GNAL: variants seen among roughly 807,000 people sequenced by gnomAD.
The protein encoded by GNAL is G protein subunit alpha L, also known as guanine nucleotide-binding protein G(olf) subunit alpha.
In GNAL, 18 loss-of-function variants were observed where a neutral mutation model predicts 55.1. The ratio of observed to expected loss-of-function variants is 0.33; its 90% CI spans 0.23 to 0.48. GNAL has a LOEUF of 0.48. GNAL is among the 20% of genes least tolerant of loss of function. The pLI is 0.99. For missense variants in GNAL, 412 were observed against 614.1 expected (o/e 0.67, Z 3.48); for synonymous variants, 253 against 237.0 (o/e 1.07, Z -0.62).
chr18:11,738,880 G>C (rs772760281), intron 1 of GNAL, among the ~76,000 whole-genome samples: 1 of 152,172 alleles, frequency 6.6e-6, no homozygotes. Flanking sequence ...AGGTTGCCAG[G>C]CAGGACGGCA....
chr18:11,725,104 T>C (rs957039826), intron 1 of GNAL, among the ~76,000 whole-genome samples: 2 of 152,188 alleles, frequency 1.3e-5, no homozygotes, highest in Non-Finnish European at 2.9e-5. Context: ...ATCACTAAAT[T>C]AATGAGCCGG....
chr18:11,824,860 C>G, intron 4 of GNAL, 58 bp from the exon 5 acceptor site: 4 of 927,300 alleles, frequency 4.3e-6, no homozygotes, highest in Non-Finnish European at 6.8e-6. Flanking sequence ...TTCCTTTTAA[C>G]TTTTTAAAAG....
At chr18:11,738,934 A>C (rs1427302322) in intron 1 of GNAL, among the ~76,000 whole-genome samples, 1 of 152,156 alleles carries the variant, frequency 6.6e-6, no homozygotes, top group Non-Finnish European at 1.5e-5. Flanking sequence ...AGTGCTGCGG[A>C]GGAGCCCACT....
In GNAL at chr18:11,751,026, G is replaced by C. The variant is rs74741043; in HGVS notation, c.377-1827G>C. ...GGCTGGGGTCTGTTCTCCTGAAGAA[G>C]GCCAGCTCCGCAGTGAAGAAGACCG... is the stretch of plus-strand genomic sequence containing the variant. On this transcript the variant is annotated intron_variant, in intron 1 of 11. Transcript: ENST00000334049. The surrounding 1 kb of genome is among the most constrained non-coding windows in gnomAD (Gnocchi z 4.5). Among the ~76,000 whole-genome samples the C allele has an allele frequency of 0.031, 4,648 of 152,226 alleles. 88 individuals are homozygous for C. Among genetic ancestry groups the C allele is most frequent in the African/African-American group, 0.046 (1,926 of 41,534 alleles).
Position 11,752,337 on chromosome 18 carries a change from A to G in GNAL, c.377-516A>G. 6.7e-7 allele frequency: 1 copy of G among 1,488,706 alleles called. No individual in the cohort carries two copies. The highest frequency in any genetic ancestry group is 8.9e-7 in the Non-Finnish European group (1 of 1,123,878). 92.2% of individuals were successfully genotyped at this position (1,488,706 alleles called of 1,614,324 possible). On this transcript the variant is annotated intron_variant, in intron 1 of 11. Transcript: ENST00000334049. The surrounding 1 kb of genome is among the most constrained non-coding windows in gnomAD (Gnocchi z 4.5). ...CAGACCATCTCTTTCAGCAGCAGGAAAGAGAGGAGCCGTCGCAGGAGCCGC... is the reference window on the plus strand; with the variant it reads ...CAGACCATCTCTTTCAGCAGCAGGAGAGAGAGGAGCCGTCGCAGGAGCCGC...
intron 1 of GNAL, among the ~76,000 whole-genome samples, chr18:11,700,957 C>G (rs931441716): frequency 6.6e-6 from 1 of 152,228 alleles, no homozygotes; most frequent in Non-Finnish European, 1.5e-5. Context: ...ATATTACTCA[C>G]CAACTGCAAA....
intron 1 of GNAL, among the ~76,000 whole-genome samples, chr18:11,719,375 A>T (rs1161736579): frequency 6.6e-6 from 1 of 152,160 alleles, no homozygotes; most frequent in Admixed American, 6.5e-5. Context: ...CAGGGTTACC[A>T]GAGAGTCATG....
chr18:11,783,080 C>T (rs1322907394), intron 4 of GNAL, among the ~76,000 whole-genome samples: 5 of 152,214 alleles, frequency 3.3e-5, no homozygotes, highest in African/African-American at 9.6e-5. Context: ...AATTTCACAT[C>T]GCATTCTGGC....
In GNAL at chr18:11,883,472, T is replaced by G. The variant is rs2036770762; in HGVS notation, c.*2337T>G. 1 of 153,516 alleles carries G rather than the reference T, an allele frequency of 6.5e-6. No homozygotes were observed. Among genetic ancestry groups the G allele is most frequent in the Admixed American group, 6.5e-5 (1 of 15,274 alleles). 9.5% of individuals were successfully genotyped at this position (153,516 alleles called of 1,614,324 possible). A position where few individuals can be genotyped will look rare whatever the true frequency, so the allele number is the denominator to read the frequency against. On this transcript the variant is annotated 3_prime_UTR_variant, in exon 12 of 12. Coordinates refer to ENST00000334049, the MANE Select transcript of GNAL (RefSeq NM_182978.4). Reference sequence around the variant, plus strand: ...AAGAAAAAAAACAAAAAGAATAACTTTTATCTGGCTTACAATTATTAAAGC... The same window carrying G: ...AAGAAAAAAAACAAAAAGAATAACTGTTATCTGGCTTACAATTATTAAAGC...
rs1350687278 is a variant in GNAL at position 11,883,188 on chromosome 18, A to G, written c.*2053A>G. ...GGATAACTTTATAGACAGTCAGTGCAACACACACATTTTATCTCATCACCG... is the reference window on the plus strand; with the variant it reads ...GGATAACTTTATAGACAGTCAGTGCGACACACACATTTTATCTCATCACCG... On this transcript the variant is annotated 3_prime_UTR_variant, in exon 12 of 12. Transcript: ENST00000334049. 1 of 151,260 alleles carries G rather than the reference A, an allele frequency of 6.6e-6. No homozygotes were observed. The highest frequency in any genetic ancestry group is 1.5e-5 in the Non-Finnish European group (1 of 68,002). The allele number at this position is 151,260 out of a possible 1,614,324, so 9.4% of individuals were successfully genotyped here. A position where few individuals can be genotyped will look rare whatever the true frequency, so the allele number is the denominator to read the frequency against.
At position 11,753,638 on chromosome 18, in the gene GNAL, CAG is replaced by C. The variant is rs1057519098; in HGVS notation, c.462_463del (p.Lys155AsnfsTer9). On this transcript the variant is annotated frameshift_variant, in exon 3 of 12. Transcript: ENST00000334049. LOFTEE classifies it high-confidence loss of function. ...TCTCTTTCAATACAGGGAAAAGAAA[CAG>C]AAAATTCTGGACATCCGGAAAAATG... ...VNGFNPEEKK[Q>X]KILDIRKNVK... The C allele has an allele frequency of 6.3e-7, 1 of 1,589,814 alleles. No individual in the cohort carries two copies. The highest frequency in any genetic ancestry group is 8.6e-7 in the Non-Finnish European group (1 of 1,158,118).
intron 4 of GNAL, among the ~76,000 whole-genome samples, chr18:11,764,849 C>T (rs928648920): frequency 2.0e-5 from 3 of 151,956 alleles, no homozygotes; most frequent in African/African-American, 7.3e-5. Context: ...GGGCTGGAGT[C>T]AAAAGAAGCA....
intron 1 of GNAL, among the ~76,000 whole-genome samples, chr18:11,722,498 T>G (rs1288683841): frequency 2.0e-5 from 3 of 152,218 alleles, no homozygotes; most frequent in African/African-American, 4.8e-5. Context: ...TAAAGCACCC[T>G]TCACTGTACC....
intron 1 of GNAL, among the ~76,000 whole-genome samples, chr18:11,741,987 C>T (rs1413887137): frequency 6.6e-6 from 1 of 152,206 alleles, no homozygotes; most frequent in Non-Finnish European, 1.5e-5. Context: ...TTTTCATCCT[C>T]CCAAACTGAA....
chr18:11,689,761 C>A lies in GNAL; in HGVS notation c.198C>A (p.Pro66=), dbSNP rs779349517. The change falls in exon 1 of 12, where the codon CCC becomes CCA. Residue 66 remains proline, a synonymous_variant. Transcript: ENST00000334049. Reference sequence around the variant, plus strand: ...AAGGGAGCCCGGCATGCGCTCGGCCCAAAGCAGACAAGCCGAAGGAGAAGC... The same window carrying A: ...AAGGGAGCCCGGCATGCGCTCGGCCAAAAGCAGACAAGCCGAAGGAGAAGC... ...GGEGSPACAR[P]KADKPKEKRQ... The A allele has an allele frequency of 6.6e-7, 1 of 1,516,484 alleles. No individual in the cohort carries two copies. 93.9% of individuals were successfully genotyped at this position (1,516,484 alleles called of 1,614,324 possible).
intron 1 of GNAL, among the ~76,000 whole-genome samples, chr18:11,735,014 GATTGGTGGGC>G (rs1801798417): frequency 6.7e-6 from 1 of 149,068 alleles, no homozygotes; most frequent in Admixed American, 6.8e-5. Flanking sequence ...CCGACGTGAG[GATTGGTGGGC>G]ATTTGATAAG....
At chr18:11,878,052 G>A (rs769171493) in intron 11 of GNAL, among the ~76,000 whole-genome samples, 2 of 152,152 alleles carry the variant, frequency 1.3e-5, no homozygotes, top group Non-Finnish European at 2.9e-5. Context: ...CCTTTTTTAA[G>A]GAGCATTTTG....
chr18:11,750,278 C>G (rs935406255), intron 1 of GNAL, among the ~76,000 whole-genome samples: 1 of 152,104 alleles, frequency 6.6e-6, no homozygotes, highest in Non-Finnish European at 1.5e-5. Flanking sequence ...GAGGGTGGCA[C>G]GGGGCATGAG....
At position 11,845,265 on chromosome 18, in the gene GNAL, T is replaced by C. The variant is rs1432361779; in HGVS notation, c.723-17130T>C. ...CATATTCCTTCAGAGGTGGGATTTG[T>C]ACCGTATTACGCCAGACGCAATCCT... On this transcript the variant is annotated intron_variant, in intron 5 of 11. Transcript: ENST00000334049. 4.6e-5 allele frequency among the ~76,000 whole-genome samples: 7 copies of C among 152,332 alleles called. No homozygotes were observed. The South Asian group carries it at 1.4e-3, about 32-fold the overall frequency.
Sources: gnomAD v4.1 joint callset for allele counts (sites outside exome capture counted in the v4.1 genomes callset) on GRCh38, gnomAD v4.1.1 for gene constraint, Gnocchi (gnomAD v3.1) non-coding constraint, MANE v1.5 for transcripts, NCBI Gene and HGNC (gene_info 2026-07-23, HGNC 2026-07-21) for gene names.